CYP7B1: variants seen among roughly 807,000 people sequenced by gnomAD.
CYP7B1 encodes cytochrome P450 family 7 subfamily B member 1.
CYP7B1 carries 29 observed loss-of-function variants against 42.7 expected under a neutral mutation model. The ratio of observed to expected loss-of-function variants is 0.68; its 90% CI spans 0.51 to 0.93. The LOEUF (loss-of-function observed/expected upper bound fraction) is 0.93. CYP7B1 is among the 40% of genes least tolerant of loss of function. The pLI, the probability that CYP7B1 is intolerant of heterozygous loss-of-function variation, is 0.00. For synonymous variants in CYP7B1, 235 were observed against 218.2 expected (o/e 1.08, Z -0.68); for missense variants, 655 against 600.5 (o/e 1.09, Z -0.95).
chr8:64,606,895 G>A (rs1210443888), intron 4 of CYP7B1, among the ~76,000 whole-genome samples: 1 of 152,158 alleles, frequency 6.6e-6, no homozygotes, highest in Non-Finnish European at 1.5e-5. Flanking sequence ...TTTTCCACCA[G>A]CCCCAGTACG....
intron 1 of CYP7B1, among the ~76,000 whole-genome samples, chr8:64,657,872 G>T (rs1806144458): frequency 6.6e-6 from 1 of 152,156 alleles, no homozygotes; most frequent in Admixed American, 6.5e-5. Flanking sequence ...CATTCAGTCT[G>T]CTATAATGAA....
chr8:64,672,369 C>A (rs1806379918), intron 1 of CYP7B1, among the ~76,000 whole-genome samples: 1 of 152,088 alleles, frequency 6.6e-6, no homozygotes, highest in Admixed American at 6.6e-5. Context: ...ATAGACATGA[C>A]ACTGTTGGTA....
At chr8:64,715,230 T>A (rs2129632747) in intron 1 of CYP7B1, among the ~76,000 whole-genome samples, 1 of 152,352 alleles carries the variant, frequency 6.6e-6, no homozygotes, top group East Asian at 1.9e-4. Context: ...AGAAATTTTT[T>A]ATAATCTTTT....
At chr8:64,648,087 G>A (rs1805981682) in intron 1 of CYP7B1, among the ~76,000 whole-genome samples, 1 of 152,168 alleles carries the variant, frequency 6.6e-6, no homozygotes, top group African/African-American at 2.4e-5. Context: ...AGGGCACATG[G>A]AAGAATAAGA....
intron 1 of CYP7B1, among the ~76,000 whole-genome samples, chr8:64,797,508 C>T (rs1311076904): frequency 1.3e-5 from 2 of 152,102 alleles, no homozygotes; most frequent in African/African-American, 4.8e-5. Context: ...TCTCTGAAAA[C>T]TGACATGGGA....
intron 1 of CYP7B1, among the ~76,000 whole-genome samples, chr8:64,767,984 T>A (rs998811774): frequency 1.3e-5 from 2 of 152,116 alleles, no homozygotes; most frequent in African/African-American, 4.8e-5. Context: ...AGAGCAGTCG[T>A]TGGCCAACCT....
chr8:64,636,546 C>T (rs192084066), intron 1 of CYP7B1, among the ~76,000 whole-genome samples: 9 of 152,158 alleles, frequency 5.9e-5, no homozygotes, highest in Admixed American at 1.3e-4. Context: ...TTTTCCTGAA[C>T]ATTTTCAATA....
chr8:64,690,625 T>G (rs1806724092), intron 1 of CYP7B1, among the ~76,000 whole-genome samples: 2 of 152,192 alleles, frequency 1.3e-5, no homozygotes, highest in South Asian at 4.1e-4. Flanking sequence ...TCAAATTTGA[T>G]GGAATAACCA....
At chr8:64,688,567 A>G (rs995884610) in intron 1 of CYP7B1, among the ~76,000 whole-genome samples, 2 of 152,206 alleles carry the variant, frequency 1.3e-5, no homozygotes, top group African/African-American at 4.8e-5. Context: ...AGCTTTCAGA[A>G]GTCCAACTCT....
chr8:64,679,315 A>G (rs1178571554), intron 1 of CYP7B1, among the ~76,000 whole-genome samples: 1 of 152,184 alleles, frequency 6.6e-6, no homozygotes, highest in Non-Finnish European at 1.5e-5. Context: ...TCACTACTTT[A>G]TATGCCAGTG....
rs540578806 is a variant in CYP7B1, at chr8:64,665,559, GTTTTTTTTTTTTTTTTTT to G, written c.123-41038_123-41021del. 1.2e-4 allele frequency among the ~76,000 whole-genome samples: 6 copies of G among 52,042 alleles called. 1 individual carries two copies. The highest frequency in any genetic ancestry group is 7.1e-4 in the Admixed American group (2 of 2,824). The allele number at this position is 52,042 out of a possible 152,430, so 34.1% of individuals were successfully genotyped here. On this transcript the variant is annotated intron_variant, in intron 1 of 5. Transcript: ENST00000310193. ...ATTTTAAGTGTTTTTTTTTTTGGTGGTTTTTTTTTTTTTTTTTTTTTTTTTTTTTTTTTTGAGACGGAG... is the reference window on the plus strand; with the variant it reads ...ATTTTAAGTGTTTTTTTTTTTGGTGGTTTTTTTTTTTTTTTTGAGACGGAG...
intron 1 of CYP7B1, among the ~76,000 whole-genome samples, chr8:64,785,800 T>G (rs1382529950): frequency 6.6e-6 from 1 of 152,186 alleles, no homozygotes; most frequent in East Asian, 1.9e-4. Context: ...ATTTTCATGC[T>G]GCTATGAAGA....
intron 1 of CYP7B1, among the ~76,000 whole-genome samples, chr8:64,661,391 C>T (rs1014489426): frequency 2.0e-5 from 3 of 152,194 alleles, no homozygotes; most frequent in African/African-American, 7.2e-5. Flanking sequence ...TAGCTTCCGT[C>T]AGCTCAAGAA....
intron 1 of CYP7B1, among the ~76,000 whole-genome samples, chr8:64,636,721 T>C (rs1805778535): frequency 6.6e-6 from 1 of 152,172 alleles, no homozygotes; most frequent in South Asian, 2.1e-4. Flanking sequence ...CTTTGTATTC[T>C]CTAAGCAAAC....
rs755173434 is a variant in CYP7B1, at chr8:64,767,525, G to T, written c.122+30941C>A. 2.7e-4 allele frequency among the ~76,000 whole-genome samples: 41 copies of T among 152,150 alleles called. 1 individual carries two copies. The highest frequency in any genetic ancestry group is 1.5e-4 in the Non-Finnish European group (10 of 68,036). On this transcript the variant is annotated intron_variant, in intron 1 of 5. Transcript: ENST00000310193. ...TAGTTTCCTCCCCTCAGGATGGCTA[G>T]CCCCGAAGAAGGAAAAATACTTTTG... is the stretch of plus-strand genomic sequence containing the variant.
chr8:64,719,918 C>T (rs1807212815), intron 1 of CYP7B1, among the ~76,000 whole-genome samples: 2 of 152,194 alleles, frequency 1.3e-5, no homozygotes, highest in African/African-American at 2.4e-5. Flanking sequence ...ACGACTTTAA[C>T]TCTGGGTCCC....
chr8:64,763,021 A>G (rs1353863482), intron 1 of CYP7B1, among the ~76,000 whole-genome samples: 1 of 152,062 alleles, frequency 6.6e-6, no homozygotes, highest in Non-Finnish European at 1.5e-5. Context: ...AAATCTTGCA[A>G]CTGCACACTC....
At chr8:64,717,328 A>G (rs1807170406) in intron 1 of CYP7B1, among the ~76,000 whole-genome samples, 1 of 152,190 alleles carries the variant, frequency 6.6e-6, no homozygotes, top group Admixed American at 6.5e-5. Flanking sequence ...TAATTTTCCA[A>G]TCATTTTGGT....
At chr8:64,677,421 G>A (rs1003113254) in intron 1 of CYP7B1, among the ~76,000 whole-genome samples, 3 of 112,820 alleles carry the variant, frequency 2.7e-5, no homozygotes, top group South Asian at 2.7e-4. Flanking sequence ...TGAGATAAAC[G>A]GCACATATTT....
Sources: allele counts gnomAD v4.1 joint callset (sites outside exome capture counted in the v4.1 genomes callset), GRCh38; gene constraint gnomAD v4.1.1; transcripts MANE v1.5; gene names NCBI Gene and HGNC (gene_info 2026-07-23, HGNC 2026-07-21).